Variants in SUPT3H observed in about 807,000 individuals in gnomAD.
SUPT3H encodes the protein transcription initiation protein SPT3 homolog.
A neutral mutation model predicts 44.3 loss-of-function variants in SUPT3H; 44 were observed. That is an observed-to-expected ratio of 0.99 (90% CI 0.78 to 1.28). SUPT3H has a LOEUF of 1.28. SUPT3H is among the 50% of genes most tolerant of loss of function. The pLI is 0.00. For missense variants in SUPT3H, 380 were observed against 387.1 expected (o/e 0.98, Z 0.15); for synonymous variants, 124 against 125.6 (o/e 0.99, Z 0.09).
chr6:45,006,054 T>TTAC (rs1474187336), intron 5 of SUPT3H, among the ~76,000 whole-genome samples: 1 of 152,104 alleles, frequency 6.6e-6, no homozygotes, highest in Non-Finnish European at 1.5e-5. Context: ...ATTATTATTA[T>TTAC]TACCCTTTAT....
At chr6:45,169,863 C>T (rs1810495347) in intron 2 of SUPT3H, among the ~76,000 whole-genome samples, 1 of 152,186 alleles carries the variant, frequency 6.6e-6, no homozygotes, top group Non-Finnish European at 1.5e-5. Context: ...AGAGGATAAA[C>T]TGCTTGCAAT....
chr6:45,333,267 T>C (rs957099149), intron 2 of SUPT3H, among the ~76,000 whole-genome samples: 1 of 151,670 alleles, frequency 6.6e-6, no homozygotes, highest in African/African-American at 2.4e-5. Flanking sequence ...CTATACCTTA[T>C]TAAAAGGGAG....
intron 2 of SUPT3H, among the ~76,000 whole-genome samples, chr6:45,202,248 A>G (rs1233561960): frequency 2.0e-5 from 3 of 152,026 alleles, no homozygotes; most frequent in Admixed American, 6.6e-5. Context: ...ATTATCTGTC[A>G]TAAGAATCTT....
chr6:45,062,932 G>A (rs1359654287), intron 3 of SUPT3H, among the ~76,000 whole-genome samples: 6 of 151,930 alleles, frequency 3.9e-5, no homozygotes, highest in Non-Finnish European at 7.3e-5. Context: ...AAAGCAGAAA[G>A]GAAACTCGAA....
At chr6:44,918,992 T>C (rs1057343368) in intron 10 of SUPT3H, among the ~76,000 whole-genome samples, 1 of 152,198 alleles carries the variant, frequency 6.6e-6, no homozygotes, top group African/African-American at 2.4e-5. Flanking sequence ...GGTGGAATGA[T>C]TGTATGGGTG....
chr6:45,291,417 T>C (rs990188618), intron 2 of SUPT3H, among the ~76,000 whole-genome samples: 1 of 152,162 alleles, frequency 6.6e-6, no homozygotes, highest in Non-Finnish European at 1.5e-5. Context: ...AATCACACAC[T>C]GGCTCACCAG....
rs190648185 is a variant in SUPT3H, at chr6:45,111,551, G to T, written c.102-5545C>A. 3.5e-5 allele frequency among the ~76,000 whole-genome samples: 3 copies of T among 85,666 alleles called. No individual in the cohort carries two copies. The East Asian group carries it at 1.1e-3, about 31-fold the overall frequency. 56.2% of individuals were successfully genotyped at this position (85,666 alleles called of 152,430 possible). On this transcript the variant is annotated intron_variant, in intron 2 of 10. Transcript: ENST00000371459. ...TCCCTCCCCCCCGCAAAAAAAACAA[G>T]CAAGAAAACAGTTTCATTTGTTAAG...
chr6:44,929,617 A>G (rs1770204433), intron 10 of SUPT3H, among the ~76,000 whole-genome samples: 1 of 152,172 alleles, frequency 6.6e-6, no homozygotes, highest in African/African-American at 2.4e-5. Context: ...AGCAGTCCAC[A>G]TACCTTTTCT....
chr6:45,035,475 C>CT (rs1787541021), intron 3 of SUPT3H, among the ~76,000 whole-genome samples: 1 of 152,142 alleles, frequency 6.6e-6, no homozygotes, highest in African/African-American at 2.4e-5. Context: ...TACTAGCACT[C>CT]TGACTCCTTA....
At chr6:45,278,119 G>T (rs1262327139) in intron 2 of SUPT3H, among the ~76,000 whole-genome samples, 3 of 150,160 alleles carry the variant, frequency 2.0e-5, no homozygotes, top group East Asian at 4.0e-4. Flanking sequence ...AATGGGGCCT[G>T]TCGGCAGTGG....
chr6:44,839,724 C>T (rs1456074888), intron 10 of SUPT3H, among the ~76,000 whole-genome samples: 5 of 151,166 alleles, frequency 3.3e-5, no homozygotes, highest in South Asian at 2.1e-4. Context: ...TTTTTTGAGA[C>T]GGAGTCTCTC....
At position 45,243,487 on chromosome 6, in the gene SUPT3H, CTAGT is replaced by C. The variant is rs543634666; in HGVS notation, c.101+121710_101+121713del. ...AAAGATTGATAAAATCAATAAATCA[CTAGT>C]TAAACTAACTGAGAATGAGAAAAAG... On this transcript the variant is annotated intron_variant, in intron 2 of 10. Coordinates refer to ENST00000371459, the MANE Select transcript of SUPT3H (RefSeq NM_003599.4). Among the ~76,000 whole-genome samples, 24 of 142,266 alleles carry C rather than the reference CTAGT, an allele frequency of 1.7e-4. No individual in the cohort carries two copies. In the South Asian group the frequency reaches 3.0e-3, roughly 18 times the overall value. 93.3% of individuals were successfully genotyped at this position (142,266 alleles called of 152,430 possible). A position where few individuals can be genotyped will look rare whatever the true frequency, so the allele number is the denominator to read the frequency against.
At chr6:45,110,313 T>C (rs776953431) in intron 2 of SUPT3H, among the ~76,000 whole-genome samples, 1 of 152,176 alleles carries the variant, frequency 6.6e-6, no homozygotes, top group African/African-American at 2.4e-5. Context: ...GAAGTTAAAC[T>C]TTTTATTCTG....
At chr6:44,977,551 A>T (rs981482879) in intron 6 of SUPT3H, among the ~76,000 whole-genome samples, 5 of 152,106 alleles carry the variant, frequency 3.3e-5, no homozygotes, top group African/African-American at 1.2e-4. Flanking sequence ...CCACCTTGCC[A>T]CCCTACATGC....
chr6:44,957,386 T>C (rs1255390013), intron 7 of SUPT3H, among the ~76,000 whole-genome samples: 1 of 152,182 alleles, frequency 6.6e-6, no homozygotes, highest in Admixed American at 6.5e-5. Context: ...AAATACTTTC[T>C]GACATGCAAC....
chr6:45,259,660 C>G (rs1272834280), intron 2 of SUPT3H, among the ~76,000 whole-genome samples: 1 of 152,052 alleles, frequency 6.6e-6, no homozygotes, highest in East Asian at 1.9e-4. Flanking sequence ...TGTGCCCATT[C>G]TAGTAGAGAA....
chr6:44,939,915 CTGGTTT>C (rs768302013), intron 9 of SUPT3H, among the ~76,000 whole-genome samples: 2 of 151,722 alleles, frequency 1.3e-5, no homozygotes, highest in Non-Finnish European at 2.9e-5. Flanking sequence ...TTGTTCAATT[CTGGTTT>C]TGTTTATTTG....
intron 2 of SUPT3H, among the ~76,000 whole-genome samples, chr6:45,152,153 AAAATTAAG>A (rs1807059918): frequency 6.6e-6 from 1 of 152,106 alleles, no homozygotes; most frequent in Non-Finnish European, 1.5e-5. Context: ...GAACACACCC[AAAATTAAG>A]AAGAAAATCT....
intron 10 of SUPT3H, among the ~76,000 whole-genome samples, chr6:44,901,912 C>A (rs1271107632): frequency 8.5e-5 from 13 of 152,262 alleles, no homozygotes; most frequent in East Asian, 5.8e-4. Context: ...AATTTCATAT[C>A]CAGCCAAACT....
Sources: allele counts gnomAD v4.1 joint callset (sites outside exome capture counted in the v4.1 genomes callset), GRCh38; gene constraint gnomAD v4.1.1; transcripts MANE v1.5; gene names NCBI Gene and HGNC (gene_info 2026-07-23, HGNC 2026-07-21).